The following HYAL4 variants were observed in gnomAD, a reference collection of about 807,000 sequenced individuals.
The protein encoded by HYAL4 is hyaluronidase 4.
Under a neutral mutation model 35.2 loss-of-function variants are expected in HYAL4, and 37 were observed. The ratio of observed to expected loss-of-function variants is 1.05; its 90% CI spans 0.81 to 1.38. The LOEUF is 1.38. HYAL4 is among the 40% of genes most tolerant of loss of function. The pLI is 0.00. For missense variants in HYAL4, 572 were observed against 572.4 expected, an observed-to-expected ratio of 1.00 and a Z score of 0.01; for synonymous variants, 198 against 203.2, an observed-to-expected ratio of 0.97 and a Z score of 0.22.
intron 3 of HYAL4, among the ~76,000 whole-genome samples, chr7:123,874,498 G>A (rs1162327710): frequency 6.6e-6 from 1 of 152,032 alleles, no homozygotes; most frequent in Non-Finnish European, 1.5e-5. Flanking sequence ...CCGTCTCCTG[G>A]GTTCAAATGA....
At chr7:123,818,727 C>T in the HYAL4 span, among the ~76,000 whole-genome samples, 1 of 152,020 alleles carries the variant, frequency 6.6e-6, no homozygotes, top group Non-Finnish European at 1.5e-5. Flanking sequence ...TTTTCCAATT[C>T]TGGTATGGTC....
upstream of HYAL4, among the ~76,000 whole-genome samples, chr7:123,842,885 T>C (rs1806097291): frequency 6.6e-6 from 1 of 151,992 alleles, no homozygotes; most frequent in Admixed American, 6.6e-5. Context: ...TTTGAGCCTA[T>C]GTGTGTCTTT....
At chr7:123,780,274 G>A in the HYAL4 span, among the ~76,000 whole-genome samples, 2 of 152,176 alleles carry the variant, frequency 1.3e-5, no homozygotes, top group East Asian at 1.9e-4. Context: ...CCAGATCATC[G>A]TCCTTGCTCT....
At chr7:123,841,282 GT>G (rs1806054728), upstream of HYAL4, among the ~76,000 whole-genome samples, 2 of 151,868 alleles carry the variant, frequency 1.3e-5, no homozygotes, top group South Asian at 4.2e-4. Context: ...TTATGTGATG[GT>G]TATGTTTATT....
the HYAL4 span, among the ~76,000 whole-genome samples, chr7:123,778,736 T>C: frequency 6.6e-6 from 1 of 152,302 alleles, no homozygotes; most frequent in East Asian, 1.9e-4. Context: ...ATTTTTGTAC[T>C]GTAAAATTTC....
chr7:123,815,847 C>T, the HYAL4 span, among the ~76,000 whole-genome samples: 3 of 152,158 alleles, frequency 2.0e-5, no homozygotes, highest in Non-Finnish European at 4.4e-5. Flanking sequence ...ATACACAGCT[C>T]ACTTAGACCA....
In HYAL4 at chr7:123,845,615, C is replaced by T. The variant is rs1244505398; in HGVS notation, c.-192C>T. On this transcript the variant is annotated 5_prime_UTR_variant, in exon 1 of 5. Coordinates refer to ENST00000223026, the MANE Select transcript of HYAL4 (RefSeq NM_012269.3). ...ATTTTTCTGATGCCTCCTTGTTTAG[C>T]TTAATAACTGACCTTCTGAATTCTT... 2.0e-5 allele frequency: 3 copies of T among 152,036 alleles called. No homozygotes were observed. The highest frequency in any genetic ancestry group is 7.3e-5 in the African/African-American group (3 of 41,376). The allele number at this position is 152,036 out of a possible 1,614,324, so 9.4% of individuals were successfully genotyped here.
chr7:123,768,493 C>T, the HYAL4 span, among the ~76,000 whole-genome samples: 1 of 152,116 alleles, frequency 6.6e-6, no homozygotes, highest in Non-Finnish European at 1.5e-5. Context: ...ACAATATTGC[C>T]TCGATTCATC....
At chr7:123,872,014 A>C (rs1806894866) in intron 3 of HYAL4, among the ~76,000 whole-genome samples, 1 of 152,084 alleles carries the variant, frequency 6.6e-6, no homozygotes, top group South Asian at 2.1e-4. Flanking sequence ...TTAGTTTTTC[A>C]TTTTTATACA....
At chr7:123,841,051 T>A (rs1005343765), upstream of HYAL4, among the ~76,000 whole-genome samples, 1 of 152,024 alleles carries the variant, frequency 6.6e-6, no homozygotes, top group African/African-American at 2.4e-5. Flanking sequence ...AGAGAGGGCA[T>A]CCTTGTCTTG....
chr7:123,876,710 A>C, intron 4 of HYAL4, 44 bp from the exon 5 acceptor site: 24 of 1,548,408 alleles, frequency 1.5e-5, no homozygotes, highest in Non-Finnish European at 1.9e-5. Flanking sequence ...GTACATTTCT[A>C]CCAGGGAGAA....
At chr7:123,819,241 C>T in the HYAL4 span, 20 of 152,534 alleles carry the variant, frequency 1.3e-4, no homozygotes, top group Admixed American at 5.2e-4. Context: ...TCATTATTAA[C>T]GTGTTCCTTA....
Position 123,874,741 on chromosome 7 carries a change from C to T in HYAL4, c.955-20C>T, listed in dbSNP as rs1364542720. ...GTTTTACATTCAAATTAATAATGAACTCTACTGTCTTCAATCTAGCAAGAT... is the reference window on the plus strand; with the variant it reads ...GTTTTACATTCAAATTAATAATGAATTCTACTGTCTTCAATCTAGCAAGAT... On this transcript the variant is annotated intron_variant, in intron 3 of 4. Transcript: ENST00000223026. 1.4e-6 allele frequency: 2 copies of T among 1,437,702 alleles called. No homozygotes were observed. Among genetic ancestry groups the T allele is most frequent in the Non-Finnish European group, 2.0e-6 (2 of 1,019,372 alleles). The allele number at this position is 1,437,702 out of a possible 1,614,324, so 89.1% of individuals were successfully genotyped here. A position where few individuals can be genotyped will look rare whatever the true frequency, so the allele number is the denominator to read the frequency against.
At chr7:123,861,967 C>T (rs1806585080) in intron 2 of HYAL4, among the ~76,000 whole-genome samples, 1 of 151,972 alleles carries the variant, frequency 6.6e-6, no homozygotes, top group Non-Finnish European at 1.5e-5. Flanking sequence ...ATTGAGAAAC[C>T]TCTAACATTA....
At chr7:123,801,516 T>C in the HYAL4 span, among the ~76,000 whole-genome samples, 19 of 152,324 alleles carry the variant, frequency 1.2e-4, no homozygotes, top group African/African-American at 9.6e-5. Context: ...AATTGACTTA[T>C]TGAAGACAAC....
chr7:123,844,967 C>T (rs1428137648), upstream of HYAL4: 3 of 152,228 alleles, frequency 2.0e-5, no homozygotes, highest in African/African-American at 7.2e-5. Context: ...ATCCCCCAAT[C>T]TCTTACACTT....
intron 1 of HYAL4, among the ~76,000 whole-genome samples, chr7:123,836,066 A>G (rs1479159624): frequency 6.6e-6 from 1 of 152,168 alleles, no homozygotes; most frequent in Non-Finnish European, 1.5e-5. Flanking sequence ...GTTGGGTAGA[A>G]TATTCAGTAA....
chr7:123,813,944 A>G, the HYAL4 span, among the ~76,000 whole-genome samples: 31 of 152,184 alleles, frequency 2.0e-4, no homozygotes, highest in African/African-American at 7.0e-4. Flanking sequence ...AACTTTTTAT[A>G]GTTTTTATTG....
chr7:123,855,269 C>T (rs1032720755), intron 2 of HYAL4, among the ~76,000 whole-genome samples: 6 of 151,990 alleles, frequency 3.9e-5, no homozygotes, highest in Non-Finnish European at 8.8e-5. Flanking sequence ...TTATTTTGCC[C>T]ACTGGTCAAT....
Sources: allele counts gnomAD v4.1 joint callset (sites outside exome capture counted in the v4.1 genomes callset), GRCh38; gene constraint gnomAD v4.1.1; transcripts MANE v1.5; gene names NCBI Gene and HGNC (gene_info 2026-07-23, HGNC 2026-07-21).